Variants in DOCK1 observed in about 807,000 individuals in gnomAD.
DOCK1 encodes dedicator of cytokinesis 1.
A neutral mutation model predicts 262.7 loss-of-function variants in DOCK1; 138 were observed. The ratio of observed to expected loss-of-function variants is 0.53; its 90% CI spans 0.46 to 0.61. The LOEUF is 0.61. DOCK1 is among the 20% of genes least tolerant of loss of function. DOCK1 has a pLI of 0.00. For synonymous variants in DOCK1, 866 were observed against 867.4 expected, an observed-to-expected ratio of 1.00 and a Z score of 0.03; for missense variants, 1,908 against 2,370.7, an observed-to-expected ratio of 0.80 and a Z score of 4.05.
intron 1 of DOCK1, among the ~76,000 whole-genome samples, chr10:126,951,305 G>T (rs904556769): frequency 1.3e-5 from 2 of 151,498 alleles, no homozygotes; most frequent in Non-Finnish European, 2.9e-5. Flanking sequence ...GTTAGTAGTG[G>T]TAGTATTGTT....
Position 127,425,921 on chromosome 10 carries a change from G to A in DOCK1, c.4824G>A (p.Thr1608=), listed in dbSNP as rs370142962. 2.4e-4 allele frequency: 393 copies of A among 1,614,034 alleles called. No individual in the cohort carries two copies. The highest frequency in any genetic ancestry group is 9.4e-4 in the East Asian group (42 of 44,886). ...EGIRIHGDKV[T]EALRPFHERM... The stretch of plus-strand genomic sequence containing the variant: ...TCAGAATCCATGGAGACAAAGTCAC[G>A]GAGGCACTGAGGCCGTTCCACGAGA... Residue 1608 remains threonine, a synonymous_variant, in exon 47 of 52, where the codon ACG becomes ACA. Transcript: ENST00000623213.
chr10:127,043,051 ATTAAT>A lies in DOCK1; in HGVS notation c.2101-10_2101-6del. The stretch of plus-strand genomic sequence containing the variant: ...TATGTTGCTAATGAAAATATTATTG[ATTAAT>A]TTGACAGGTATTTATCATTGGACTG... On this transcript the variant is annotated splice_region_variant and splice_polypyrimidine_tract_variant and intron_variant, in intron 20 of 51. Coordinates refer to ENST00000623213, the MANE Select transcript of DOCK1 (RefSeq NM_001290223.2). 2 of 1,577,518 alleles carry A rather than the reference ATTAAT, an allele frequency of 1.3e-6. No homozygotes were observed. Among genetic ancestry groups the A allele is most frequent in the African/African-American group, 1.3e-5 (1 of 74,334 alleles).
chr10:126,922,196 T>C (rs2033266431), intron 1 of DOCK1, among the ~76,000 whole-genome samples: 1 of 119,140 alleles, frequency 8.4e-6, no homozygotes, highest in South Asian at 2.6e-4. Context: ...GGTGACAGAG[T>C]ACGACCCTGT....
At position 127,437,716 on chromosome 10, in the gene DOCK1, T is replaced by C. The variant is rs1412647236; in HGVS notation, c.5061-1311T>C. On this transcript the variant is annotated intron_variant, in intron 48 of 51. Transcript: ENST00000623213. This position sits in a 1 kb window ranked among gnomAD's most constrained non-coding sequence, Gnocchi z 4.4. ...CTGGTCTCGAACTCCTGAGCTCAAA[T>C]GATCCACCTGCCTTAGCCTCCCCAA... 6.6e-6 allele frequency among the ~76,000 whole-genome samples: 1 copy of C among 152,144 alleles called. No individual in the cohort carries two copies. The highest frequency in any genetic ancestry group is 1.5e-5 in the Non-Finnish European group (1 of 68,024).
At chr10:127,036,036 AAATAAAT>A (rs1206007839) in intron 18 of DOCK1, among the ~76,000 whole-genome samples, 31 of 150,374 alleles carry the variant, frequency 2.1e-4, no homozygotes, top group East Asian at 3.9e-4. Flanking sequence ...ATAAATAAAT[AAATAAAT>A]AAAAAAGAGT....
At chr10:127,085,376 A>G (rs945241818) in intron 23 of DOCK1, among the ~76,000 whole-genome samples, 4 of 152,202 alleles carry the variant, frequency 2.6e-5, no homozygotes, top group African/African-American at 9.7e-5. Flanking sequence ...CATCATGGCA[A>G]AGAGACAGTA....
chr10:127,155,340 C>G (rs1474232271), intron 27 of DOCK1, among the ~76,000 whole-genome samples: 1 of 152,196 alleles, frequency 6.6e-6, no homozygotes, highest in Non-Finnish European at 1.5e-5. Context: ...GACGTGACCT[C>G]ATGGTTATGT....
intron 1 of DOCK1, among the ~76,000 whole-genome samples, chr10:126,941,461 A>G (rs2034972129): frequency 6.6e-6 from 1 of 152,234 alleles, no homozygotes; most frequent in Non-Finnish European, 1.5e-5. Context: ...AACCGCAGTT[A>G]AACAGCATCT....
chr10:127,336,619 A>G (rs2063205470), intron 29 of DOCK1, among the ~76,000 whole-genome samples: 1 of 151,586 alleles, frequency 6.6e-6, no homozygotes, highest in Admixed American at 6.6e-5. Flanking sequence ...GGCTCACTGC[A>G]AGCTCCGCCT....
Position 126,937,267 on chromosome 10 carries a change from G to A in DOCK1, c.46+31704G>A, listed in dbSNP as rs1210829130. On this transcript the variant is annotated intron_variant, in intron 1 of 51. Coordinates refer to ENST00000623213, the MANE Select transcript of DOCK1 (RefSeq NM_001290223.2). ...ATACTTGGGTTGTCTCCATGTTTTA[G>A]CTCTTGTGAATAATGCTGCTATGAA... Among the ~76,000 whole-genome samples, 4 of 152,222 alleles carry A rather than the reference G, an allele frequency of 2.6e-5. No homozygotes were observed. The East Asian group carries it at 7.7e-4, about 29-fold the overall frequency.
Position 127,175,213 on chromosome 10 carries a change from C to T in DOCK1, c.2847+47449C>T, listed in dbSNP as rs2054972772. The T allele has an allele frequency of 4.3e-6, 7 of 1,610,092 alleles. No homozygotes were observed. The South Asian group carries it at 7.8e-5, about 18-fold the overall frequency. ...TAAGACATGGGTGAACATACATACC[C>T]TTCCCGATGGGCCTCTCCTTTTTCC... On this transcript the variant is annotated intron_variant, in intron 27 of 51. Coordinates refer to ENST00000623213, the MANE Select transcript of DOCK1 (RefSeq NM_001290223.2). The surrounding 1 kb of genome is among the most constrained non-coding windows in gnomAD (Gnocchi z 6.3).
intron 33 of DOCK1, among the ~76,000 whole-genome samples, chr10:127,372,060 G>T (rs1320809272): frequency 6.6e-6 from 1 of 152,150 alleles, no homozygotes; most frequent in Admixed American, 6.5e-5. Flanking sequence ...TTATTTGGGG[G>T]AGGAGACCAT....
chr10:127,074,884 G>A (rs1243083353), intron 23 of DOCK1, among the ~76,000 whole-genome samples: 6 of 152,038 alleles, frequency 3.9e-5, no homozygotes, highest in South Asian at 2.1e-4. Flanking sequence ...GTGTTTGGCC[G>A]GGTGCGGTGG....
intron 29 of DOCK1, among the ~76,000 whole-genome samples, chr10:127,323,938 A>C (rs926683526): frequency 2.0e-5 from 3 of 152,232 alleles, no homozygotes; most frequent in African/African-American, 7.2e-5. Flanking sequence ...CCTGTGGAGT[A>C]AGGCCCTGCA....
chr10:127,372,450 C>T (rs1247653777), intron 33 of DOCK1, among the ~76,000 whole-genome samples: 2 of 152,198 alleles, frequency 1.3e-5, no homozygotes, highest in African/African-American at 4.8e-5. Context: ...CTCTAGACCG[C>T]TCCTTTGCTG....
In DOCK1 at chr10:127,045,129, C is replaced by T. The variant is rs188069909; in HGVS notation, c.2201+1965C>T. On this transcript the variant is annotated intron_variant, in intron 21 of 51. Transcript: ENST00000623213. ...AGGAGAATCACTTGAACCCGGGAGG[C>T]GGAGGTTGCAGTGAGCCGAGATCGT... Among the ~76,000 whole-genome samples, 3 of 131,570 alleles carry T rather than the reference C, an allele frequency of 2.3e-5. No individual in the cohort carries two copies. The Admixed American group carries it at 2.8e-4, about 12-fold the overall frequency. 86.3% of individuals were successfully genotyped at this position (131,570 alleles called of 152,430 possible).
At chr10:127,143,213 G>A (rs2051446381) in intron 27 of DOCK1, among the ~76,000 whole-genome samples, 1 of 152,198 alleles carries the variant, frequency 6.6e-6, no homozygotes, top group African/African-American at 2.4e-5. Context: ...ATGTGTAACA[G>A]TTAAGAGTTA....
At chr10:127,317,191 T>C (rs1180311862) in intron 29 of DOCK1, among the ~76,000 whole-genome samples, 2 of 152,220 alleles carry the variant, frequency 1.3e-5, no homozygotes, top group African/African-American at 4.8e-5. Context: ...CTGTGGGTAT[T>C]GGTGTGAGGA....
rs1453783653 is a variant in DOCK1, at chr10:127,082,842, G to A, written c.2445+21066G>A. Among the ~76,000 whole-genome samples, 2 of 152,092 alleles carry A rather than the reference G, an allele frequency of 1.3e-5. 1 individual carries two copies. Among genetic ancestry groups the A allele is most frequent in the Non-Finnish European group, 2.9e-5 (2 of 68,020 alleles). On this transcript the variant is annotated intron_variant, in intron 23 of 51. Coordinates refer to ENST00000623213, the MANE Select transcript of DOCK1 (RefSeq NM_001290223.2). ...CTCACACTCCCTTGGCTCCCTTCTT[G>A]TCTCTGTACACAGCCCCAAGCACAA...
Sources: gnomAD v4.1 joint callset for allele counts (sites outside exome capture counted in the v4.1 genomes callset) on GRCh38, gnomAD v4.1.1 for gene constraint, Gnocchi (gnomAD v3.1) non-coding constraint, MANE v1.5 for transcripts, NCBI Gene and HGNC (gene_info 2026-07-23, HGNC 2026-07-21) for gene names.